The following NFIB variants were observed in gnomAD, a reference collection of about 807,000 sequenced individuals.
NFIB encodes nuclear factor 1 B-type.
In NFIB, 11 loss-of-function variants were observed where a neutral mutation model predicts 61.5. The ratio of observed to expected loss-of-function variants is 0.18; its 90% confidence interval spans 0.11 to 0.30. NFIB has a LOEUF of 0.30. NFIB is among the 10% of genes least tolerant of loss of function. The pLI is 1.00. For synonymous variants in NFIB, 260 were observed against 216.5 expected, an observed-to-expected ratio of 1.20 and a Z score of -1.76; for missense variants, 471 against 608.9, an observed-to-expected ratio of 0.77 and a Z score of 2.38.
At chr9:14,237,981 G>C (rs1257060432) in intron 2 of NFIB, among the ~76,000 whole-genome samples, 1 of 151,756 alleles carries the variant, frequency 6.6e-6, no homozygotes, top group Non-Finnish European at 1.5e-5. Flanking sequence ...GTAAGAAACA[G>C]TAAACCAAGA....
At chr9:14,510,637 T>C in the NFIB span, among the ~76,000 whole-genome samples, 1 of 134,520 alleles carries the variant, frequency 7.4e-6, no homozygotes. Context: ...TTTAAAAGTA[T>C]TTTTTATTTT....
chr9:14,459,486 A>G, the NFIB span, among the ~76,000 whole-genome samples: 3 of 152,146 alleles, frequency 2.0e-5, no homozygotes, highest in African/African-American at 4.8e-5. Flanking sequence ...AACACCAAAA[A>G]CAATGGCAAC....
At chr9:14,129,412 CA>C (rs1327769953) in intron 6 of NFIB, among the ~76,000 whole-genome samples, 9 of 128,014 alleles carry the variant, frequency 7.0e-5, no homozygotes, top group South Asian at 2.5e-4. Flanking sequence ...GACAAAAAAA[CA>C]AAAAAAAAAC....
At chr9:14,239,399 T>C (rs2054126571) in intron 2 of NFIB, among the ~76,000 whole-genome samples, 2 of 152,188 alleles carry the variant, frequency 1.3e-5, no homozygotes, top group Non-Finnish European at 1.5e-5. Flanking sequence ...TTTAGAGGTA[T>C]ACTTAACATA....
chr9:14,319,583 T>C (rs960708367), intron 1 of NFIB, among the ~76,000 whole-genome samples: 4 of 152,242 alleles, frequency 2.6e-5, no homozygotes, highest in African/African-American at 9.6e-5. Flanking sequence ...TAAAACTATA[T>C]GACCATTTTA....
intron 3 of NFIB, among the ~76,000 whole-genome samples, chr9:14,171,565 T>C (rs2045565765): frequency 1.3e-5 from 2 of 152,030 alleles, no homozygotes; most frequent in South Asian, 2.1e-4. Flanking sequence ...CCTTTCAAAG[T>C]AGAATATGAA....
chr9:14,248,317 C>CCTTCCTTCCTTT (rs1318507480), intron 2 of NFIB, among the ~76,000 whole-genome samples: 54 of 151,488 alleles, frequency 3.6e-4, no homozygotes, highest in African/African-American at 1.3e-3. Flanking sequence ...CCCTCCCCTC[C>CCTTCCTTCCTTT]CTTCCTTCCT....
At position 14,236,372 on chromosome 9, in the gene NFIB, C is replaced by A. The variant is rs140661647; in HGVS notation, c.563-56592G>T. Among the ~76,000 whole-genome samples the A allele has an allele frequency of 9.9e-5, 15 of 152,276 alleles. No homozygotes were observed. In the South Asian group the frequency reaches 1.2e-3, roughly 13 times the overall value. On this transcript the variant is annotated intron_variant, in intron 2 of 10. Coordinates refer to ENST00000380953, the MANE Select transcript of NFIB (RefSeq NM_001190737.2). ...GGTCAGTAATCTTTAGTGATTGAGA[C>A]AGAAATTAAAATTGATTATTTGAAT...
At chr9:14,245,514 G>C (rs188286607) in intron 2 of NFIB, among the ~76,000 whole-genome samples, 2 of 151,764 alleles carry the variant, frequency 1.3e-5, no homozygotes, top group African/African-American at 4.8e-5. Context: ...TTGCTCTCAA[G>C]GTTCTTCAAG....
intron 2 of NFIB, among the ~76,000 whole-genome samples, chr9:14,239,552 A>G (rs758887371): frequency 4.6e-5 from 7 of 152,198 alleles, no homozygotes; most frequent in Non-Finnish European, 1.0e-4. Flanking sequence ...AAACAGAAAG[A>G]GAAAAGATAA....
chr9:14,523,513 C>T, the NFIB span, among the ~76,000 whole-genome samples: 1 of 152,042 alleles, frequency 6.6e-6, no homozygotes, highest in Non-Finnish European at 1.5e-5. Context: ...TGCCAGAGAC[C>T]TTCCCGACAT....
At chr9:14,458,339 A>G in the NFIB span, among the ~76,000 whole-genome samples, 33 of 152,322 alleles carry the variant, frequency 2.2e-4, 1 homozygote, top group African/African-American at 7.7e-4. Flanking sequence ...AAAACTCTCA[A>G]TAAATTAGGT....
Position 14,084,595 on chromosome 9 carries a change from T to A in NFIB, c.*3714A>T. The A allele has an allele frequency of 4.4e-6, 1 of 228,780 alleles. No homozygotes were observed. Among genetic ancestry groups the A allele is most frequent in the African/African-American group, 2.2e-5 (1 of 45,084 alleles). 14.2% of individuals were successfully genotyped at this position (228,780 alleles called of 1,614,324 possible). A position where few individuals can be genotyped will look rare whatever the true frequency, so the allele number is the denominator to read the frequency against. On this transcript the variant is annotated 3_prime_UTR_variant, in exon 11 of 11. Coordinates refer to ENST00000380953, the MANE Select transcript of NFIB (RefSeq NM_001190737.2). ...CTTCAGAGGCACTGTGAGTGGTGGG[T>A]GGCAGGGCAGCACACAAAGGCTGAA... is the stretch of plus-strand genomic sequence containing the variant.
intron 3 of NFIB, among the ~76,000 whole-genome samples, chr9:14,164,850 T>C (rs2044602781): frequency 6.6e-6 from 1 of 152,138 alleles, no homozygotes; most frequent in Non-Finnish European, 1.5e-5. Context: ...ATTTAATTGA[T>C]ATGGGGTGAG....
intron 1 of NFIB, among the ~76,000 whole-genome samples, chr9:14,364,440 C>T (rs1377173568): frequency 6.6e-6 from 1 of 152,100 alleles, no homozygotes; most frequent in African/African-American, 2.4e-5. Flanking sequence ...TTAATACTAG[C>T]GTCTGGCTGG....
At chr9:14,277,582 TAAC>T (rs898152995) in intron 2 of NFIB, among the ~76,000 whole-genome samples, 2 of 152,220 alleles carry the variant, frequency 1.3e-5, no homozygotes, top group Non-Finnish European at 2.9e-5. Flanking sequence ...AAGAAAGAAT[TAAC>T]AACAACTTGT....
At chr9:14,492,917 C>G in the NFIB span, among the ~76,000 whole-genome samples, 3 of 152,188 alleles carry the variant, frequency 2.0e-5, no homozygotes, top group Admixed American at 1.3e-4. Context: ...TGATACTTAG[C>G]TGGGTAAACT....
chr9:14,436,963 A>C, the NFIB span, among the ~76,000 whole-genome samples: 1 of 152,170 alleles, frequency 6.6e-6, no homozygotes, highest in Non-Finnish European at 1.5e-5. Flanking sequence ...AATGAGGTTG[A>C]AGTTGAGAAA....
the NFIB span, among the ~76,000 whole-genome samples, chr9:14,436,932 A>AG: frequency 2.1e-3 from 317 of 150,960 alleles, 1 homozygote; most frequent in African/African-American, 7.5e-3. Context: ...CCCCGGAAGG[A>AG]AATTTCCTTA....
Sources: allele counts gnomAD v4.1 joint callset (sites outside exome capture counted in the v4.1 genomes callset), GRCh38; gene constraint gnomAD v4.1.1; transcripts MANE v1.5; gene names NCBI Gene and HGNC (gene_info 2026-07-23, HGNC 2026-07-21).